PRH1: variants seen among roughly 807,000 people sequenced by gnomAD.
PRH1 encodes the protein salivary acidic proline-rich phosphoprotein 1/2.
A neutral mutation model predicts 7.9 loss-of-function variants in PRH1; 7 were observed. The observed-to-expected ratio is 0.89, with a 90% CI of 0.50 to 1.67. The LOEUF is 1.67. PRH1 is among the 40% of genes most tolerant of loss of function. PRH1 has a pLI of 0.00. For synonymous variants in PRH1, 45 were observed against 80.8 expected, an observed-to-expected ratio of 0.56 and a Z score of 2.38; for missense variants, 109 against 223.6, an observed-to-expected ratio of 0.49 and a Z score of 3.27.
In PRH1 at chr12:10,915,351, T is replaced by C. The variant is rs551785278; in HGVS notation, c.-58-31076A>G. Among the ~76,000 whole-genome samples the C allele has an allele frequency of 4.6e-5, 7 of 152,288 alleles. No individual in the cohort carries two copies. In the East Asian group the frequency reaches 1.4e-3, roughly 29 times the overall value. ...GCCTTACAATGCTCAAAGTATCTGA[T>C]ATTAAATCCAGAGAGAAAAGCAGAG... On this transcript the variant is annotated intron_variant, in intron 2 of 3. Coordinates refer to the PRH1 transcript ENST00000539853.
At position 11,127,889 on chromosome 12, in the gene PRH1, G is replaced by A. The variant is rs537443398; in HGVS notation, n.40-6709C>T. On this transcript the variant is annotated intron_variant and non_coding_transcript_variant, in intron 1 of 1. Transcript: ENST00000541175. ...TGGGAGGCCGAGGCGGGCTGATCAC[G>A]AGGTCAGGAGATCGAGACCATCCTG... 2.9e-4 allele frequency among the ~76,000 whole-genome samples: 43 copies of A among 147,176 alleles called. 1 individual carries two copies. The East Asian group carries it at 5.5e-3, about 19-fold the overall frequency.
intron 1 of PRH1, among the ~76,000 whole-genome samples, chr12:11,027,165 A>C (rs3983357): frequency 8.0e-5 from 12 of 149,796 alleles, no homozygotes; most frequent in African/African-American, 7.4e-5. Flanking sequence ...CTAGCAATGC[A>C]GAGGTGGGGG....
chr12:10,933,140 T>C (rs16925785), intron 2 of PRH1, among the ~76,000 whole-genome samples: 2,989 of 152,202 alleles, frequency 0.02, 35 homozygotes, highest in South Asian at 0.031. Context: ...CAGGTAAAGC[T>C]TAAACAAGTG....
intron 1 of PRH1, among the ~76,000 whole-genome samples, chr12:11,138,654 A>G (rs552967211): frequency 2.0e-5 from 3 of 152,380 alleles, no homozygotes; most frequent in Admixed American, 1.3e-4. Flanking sequence ...TCTAGCAATC[A>G]TAAATATTCA....
Position 10,899,441 on chromosome 12 carries a change from G to C in PRH1, c.-58-15166C>G, listed in dbSNP as rs116348685. Reference sequence around the variant, plus strand: ...CTTAGTGAGAAGTGTTTGAGTCATAGGGTTGGTTCCCTCATGAATGCCTTG... The same window carrying C: ...CTTAGTGAGAAGTGTTTGAGTCATACGGTTGGTTCCCTCATGAATGCCTTG... On this transcript the variant is annotated intron_variant, in intron 2 of 3. Coordinates refer to the PRH1 transcript ENST00000539853. Among the ~76,000 whole-genome samples the C allele has an allele frequency of 4.8e-3, 728 of 152,274 alleles. 7 individuals are homozygous for C. Among genetic ancestry groups the C allele is most frequent in the African/African-American group, 0.017 (695 of 41,548 alleles).
intron 2 of PRH1, chr12:10,895,329 T>A (rs1442606296): frequency 6.6e-6 from 1 of 152,182 alleles, no homozygotes; most frequent in African/African-American, 2.4e-5. Context: ...ATGAACATCA[T>A]CTGAAGGAGA....
At chr12:11,015,652 T>TTG (rs1318876352) in intron 1 of PRH1, among the ~76,000 whole-genome samples, 1 of 152,134 alleles carries the variant, frequency 6.6e-6, no homozygotes, top group Admixed American at 6.5e-5. Flanking sequence ...AATTTTCTTT[T>TTG]TGTGTGTGTG....
chr12:10,896,487 C>CAAA (rs1186430222), intron 2 of PRH1, among the ~76,000 whole-genome samples: 1 of 152,084 alleles, frequency 6.6e-6, no homozygotes, highest in African/African-American at 2.4e-5. Flanking sequence ...TTTGGCCAGG[C>CAAA]ACGGTGGCTC....
At chr12:11,158,926 G>C (rs1211880471) in intron 1 of PRH1, 1 of 152,040 alleles carries the variant, frequency 6.6e-6, no homozygotes, top group African/African-American at 2.4e-5. Context: ...TAAACGTCAT[G>C]ACCTGATAAT....
intron 2 of PRH1, among the ~76,000 whole-genome samples, chr12:10,894,214 C>G (rs1193002402): frequency 6.6e-6 from 1 of 152,034 alleles, no homozygotes; most frequent in Non-Finnish European, 1.5e-5. Flanking sequence ...GTGTCCTTGC[C>G]TTCCTTACAC....
At chr12:11,104,396 T>C (rs1945349322) in intron 1 of PRH1, among the ~76,000 whole-genome samples, 1 of 152,142 alleles carries the variant, frequency 6.6e-6, no homozygotes, top group African/African-American at 2.4e-5. Context: ...TTTCAAACTT[T>C]ACGTCAATGA....
At chr12:11,154,381 G>A (rs558031171) in intron 1 of PRH1, among the ~76,000 whole-genome samples, 1 of 152,264 alleles carries the variant, frequency 6.6e-6, no homozygotes, top group Admixed American at 6.5e-5. Flanking sequence ...ATATATAAAT[G>A]ACAGCCATAT....
chr12:10,936,147 C>T (rs1245676063), intron 2 of PRH1, among the ~76,000 whole-genome samples: 1 of 151,850 alleles, frequency 6.6e-6, no homozygotes, highest in Admixed American at 6.6e-5. Context: ...ACCACCCCGC[C>T]CCCACACACA....
At chr12:11,048,832 C>A, upstream of PRH1, 1 of 280,442 alleles carries the variant, frequency 3.6e-6, no homozygotes. Context: ...AGCAAGATTA[C>A]AAATGAAAAA....
At chr12:11,112,182 G>GTC (rs943824469) in intron 1 of PRH1, among the ~76,000 whole-genome samples, 4 of 152,036 alleles carry the variant, frequency 2.6e-5, no homozygotes, top group Admixed American at 1.3e-4. Context: ...ACCAAAAAAA[G>GTC]TCCAGGAACA....
At chr12:10,995,804 T>C (rs139642923) in intron 1 of PRH1, among the ~76,000 whole-genome samples, 2,629 of 152,254 alleles carry the variant, frequency 0.017, 33 homozygotes, top group Non-Finnish European at 0.03. Context: ...ACTTTTCTAA[T>C]TGCGTATGGA....
rs558494896 is a variant in PRH1 at position 11,094,498 on chromosome 12, G to C, written n.124-47310C>G. Among the ~76,000 whole-genome samples, 7 of 113,100 alleles carry C rather than the reference G, an allele frequency of 6.2e-5. 2 individuals carry two copies. In the South Asian group the frequency reaches 1.2e-3, roughly 19 times the overall value. 74.2% of individuals were successfully genotyped at this position (113,100 alleles called of 152,430 possible). The stretch of plus-strand genomic sequence containing the variant: ...CCAAAAGAAAAAATAGATGGGGAAT[G>C]GCAAAGGTTTGTCCTGTGAGATGGA... On this transcript the variant is annotated intron_variant and non_coding_transcript_variant, in intron 1 of 4. Transcript: ENST00000541977.
chr12:10,990,422 T>G (rs1308750472), intron 1 of PRH1, among the ~76,000 whole-genome samples: 5 of 152,346 alleles, frequency 3.3e-5, no homozygotes, highest in Non-Finnish European at 5.9e-5. Flanking sequence ...ACGAAGTCCC[T>G]GAGGCAATTC....
At chr12:11,133,723 A>T (rs1247595092) in intron 1 of PRH1, 2 of 1,614,058 alleles carry the variant, frequency 1.2e-6, no homozygotes, top group Non-Finnish European at 1.7e-6. Flanking sequence ...TCATATTTGA[A>T]TGGTACATTG....
Sources: allele counts gnomAD v4.1 joint callset (sites outside exome capture counted in the v4.1 genomes callset), GRCh38; gene constraint gnomAD v4.1.1; transcripts MANE v1.5; gene names NCBI Gene and HGNC (gene_info 2026-07-23, HGNC 2026-07-21).